AGBL1: variants seen among roughly 807,000 people sequenced by gnomAD.
The protein encoded by AGBL1 is cytosolic carboxypeptidase 4.
A neutral mutation model predicts 118.9 loss-of-function variants in AGBL1; 130 were observed. That is an observed-to-expected ratio of 1.09 (90% CI 0.95 to 1.26). The LOEUF (loss-of-function observed/expected upper bound fraction) is 1.26. Ranked by LOEUF, AGBL1 falls within the 50% of genes most tolerant of loss-of-function variation. The probability of loss-of-function intolerance (pLI) is 0.00; values close to 1 mark genes in which losing one functional copy is unlikely to be tolerated. For synonymous variants in AGBL1, 555 were observed against 478.9 expected, an observed-to-expected ratio of 1.16 and a Z score of -2.08; for missense variants, 1,584 against 1,298.1, an observed-to-expected ratio of 1.22 and a Z score of -3.38.
chr15:86,957,782 CTA>C (rs1232083023), intron 23 of AGBL1, among the ~76,000 whole-genome samples: 1 of 151,980 alleles, frequency 6.6e-6, no homozygotes, highest in Non-Finnish European at 1.5e-5. Flanking sequence ...TCGTATTAAT[CTA>C]TAAGTTAAAT....
intron 21 of AGBL1, among the ~76,000 whole-genome samples, chr15:86,569,817 T>C (rs1245604652): frequency 6.6e-6 from 1 of 152,194 alleles, no homozygotes; most frequent in East Asian, 1.9e-4. Flanking sequence ...CGTAGAAAAT[T>C]GTTCCTTCTA....
At chr15:86,532,515 C>T (rs1452752619) in intron 19 of AGBL1, among the ~76,000 whole-genome samples, 4 of 120,506 alleles carry the variant, frequency 3.3e-5, no homozygotes, top group East Asian at 2.7e-4. Context: ...GAATCAATAT[C>T]ATGAAAATGG....
At chr15:86,678,879 C>T (rs149794524) in intron 22 of AGBL1, among the ~76,000 whole-genome samples, 10 of 151,862 alleles carry the variant, frequency 6.6e-5, no homozygotes, top group African/African-American at 1.4e-4. Flanking sequence ...TTAGTAATGC[C>T]GGTTTATTAT....
intron 23 of AGBL1, among the ~76,000 whole-genome samples, chr15:86,974,492 AT>A (rs1222626126): frequency 1.5e-5 from 2 of 132,282 alleles, no homozygotes; most frequent in African/African-American, 5.4e-5. Flanking sequence ...ATATAAACAT[AT>A]TTTATATATT....
At chr15:86,868,324 C>T (rs1206503025) in intron 22 of AGBL1, among the ~76,000 whole-genome samples, 1 of 152,244 alleles carries the variant, frequency 6.6e-6, no homozygotes, top group Non-Finnish European at 1.5e-5. Flanking sequence ...TAGCACAAAG[C>T]TTGCATATAG....
chr15:86,103,745 G>A (rs979130356), intron 1 of AGBL1, among the ~76,000 whole-genome samples: 24 of 152,198 alleles, frequency 1.6e-4, no homozygotes, highest in Non-Finnish European at 2.8e-4. Context: ...GAAGGCAGTT[G>A]CAGGCTGAGC....
intron 1 of AGBL1, among the ~76,000 whole-genome samples, chr15:86,132,426 T>C (rs1214842360): frequency 6.6e-6 from 1 of 152,166 alleles, no homozygotes; most frequent in Non-Finnish European, 1.5e-5. Context: ...GACGACGGTG[T>C]GAGCCTTGGG....
chr15:86,380,379 G>A (rs1022844437), intron 17 of AGBL1, among the ~76,000 whole-genome samples: 1 of 151,110 alleles, frequency 6.6e-6, no homozygotes, highest in Non-Finnish European at 1.5e-5. Context: ...CTGCCTCCCG[G>A]GTTCAAGTGA....
intron 23 of AGBL1, among the ~76,000 whole-genome samples, chr15:86,962,312 G>T (rs183887582): frequency 1.0e-3 from 159 of 152,124 alleles, no homozygotes; most frequent in African/African-American, 3.6e-3. Context: ...GAGACTCCTG[G>T]ATCTGTGTGT....
At chr15:86,874,726 T>C (rs534075580) in intron 22 of AGBL1, among the ~76,000 whole-genome samples, 25 of 152,190 alleles carry the variant, frequency 1.6e-4, no homozygotes, top group Non-Finnish European at 3.2e-4. Context: ...ATTTCTCAAA[T>C]ACTTTTAAAT....
intron 17 of AGBL1, among the ~76,000 whole-genome samples, chr15:86,373,083 A>G (rs2080992502): frequency 6.6e-6 from 1 of 152,206 alleles, no homozygotes; most frequent in Non-Finnish European, 1.5e-5. Context: ...AACTAGTCCC[A>G]CATCCCCTTC....
intron 22 of AGBL1, among the ~76,000 whole-genome samples, chr15:86,862,977 G>A (rs553699217): frequency 1.6e-4 from 25 of 152,328 alleles, no homozygotes; most frequent in African/African-American, 6.0e-4. Flanking sequence ...AAAACTGTGA[G>A]AGGATGGACA....
At chr15:86,301,404 T>G (rs908699621) in intron 17 of AGBL1, among the ~76,000 whole-genome samples, 2 of 151,744 alleles carry the variant, frequency 1.3e-5, no homozygotes, top group Non-Finnish European at 2.9e-5. Context: ...GCAATCTTTT[T>G]TTTTTTTCTG....
intron 22 of AGBL1, among the ~76,000 whole-genome samples, chr15:86,794,649 C>T (rs1343681823): frequency 3.3e-5 from 5 of 151,812 alleles, no homozygotes; most frequent in Non-Finnish European, 7.4e-5. Context: ...AAAAAAAAAA[C>T]ATGCAGGGTC....
At chr15:86,739,984 T>C (rs2077654904) in intron 22 of AGBL1, among the ~76,000 whole-genome samples, 2 of 152,202 alleles carry the variant, frequency 1.3e-5, no homozygotes, top group South Asian at 4.1e-4. Flanking sequence ...CTTTCACCTT[T>C]AAAGCCTGAT....
At chr15:86,816,358 G>C (rs1044947446) in intron 22 of AGBL1, among the ~76,000 whole-genome samples, 1 of 152,242 alleles carries the variant, frequency 6.6e-6, no homozygotes, top group African/African-American at 2.4e-5. Flanking sequence ...TGGAGGCCAA[G>C]AAAAGACACA....
chr15:86,162,495 G>A (rs2077280949), intron 5 of AGBL1, among the ~76,000 whole-genome samples: 1 of 152,182 alleles, frequency 6.6e-6, no homozygotes, highest in African/African-American at 2.4e-5. Flanking sequence ...GACATGAAGA[G>A]CAATGTCACT....
At chr15:86,528,446 C>T (rs932920676) in intron 19 of AGBL1, among the ~76,000 whole-genome samples, 4 of 152,102 alleles carry the variant, frequency 2.6e-5, no homozygotes, top group Admixed American at 2.0e-4. Context: ...ACACCTGGCT[C>T]GGAGGGTCCT....
At chr15:86,859,627 T>G (rs965970606) in intron 22 of AGBL1, among the ~76,000 whole-genome samples, 1 of 152,090 alleles carries the variant, frequency 6.6e-6, no homozygotes, top group East Asian at 1.9e-4. Flanking sequence ...TCTGTAAGGG[T>G]GCCGAGAACA....
Sources: gnomAD v4.1 joint callset for allele counts (sites outside exome capture counted in the v4.1 genomes callset) on GRCh38, gnomAD v4.1.1 for gene constraint, MANE v1.5 for transcripts, NCBI Gene and HGNC (gene_info 2026-07-23, HGNC 2026-07-21) for gene names.